Variants in SMARCA2 observed in about 807,000 individuals in gnomAD.
The protein encoded by SMARCA2 is SWI/SNF related BAF chromatin remodeling complex subunit ATPase 2.
A neutral mutation model predicts 199.8 loss-of-function variants in SMARCA2; 61 were observed. That is an observed-to-expected ratio of 0.31 (90% CI 0.25 to 0.38). The LOEUF (loss-of-function observed/expected upper bound fraction) is 0.38. Ranked by LOEUF, SMARCA2 falls within the 10% of genes least tolerant of loss-of-function variation. SMARCA2 has a pLI of 1.00. For synonymous variants in SMARCA2, 935 were observed against 732.0 expected (o/e 1.28, Z -4.48); for missense variants, 1,344 against 2,012.2 (o/e 0.67, Z 6.35).
At chr9:2,075,304 T>C (rs1275237092) in intron 12 of SMARCA2, 1 of 152,320 alleles carries the variant, frequency 6.6e-6, no homozygotes, top group Non-Finnish European at 1.5e-5. Context: ...TACTTTGTCA[T>C]TTAAGAGTTA....
At chr9:2,023,017 C>T (rs1225452240) in intron 1 of SMARCA2, among the ~76,000 whole-genome samples, 8 of 152,166 alleles carry the variant, frequency 5.3e-5, no homozygotes, top group African/African-American at 9.7e-5. Flanking sequence ...TAGGTTTTCT[C>T]GTAAATTCCC....
At chr9:2,051,303 A>G (rs935944541) in intron 5 of SMARCA2, among the ~76,000 whole-genome samples, 6 of 152,060 alleles carry the variant, frequency 3.9e-5, no homozygotes, top group African/African-American at 1.4e-4. Context: ...CCTTCCAGAA[A>G]AGGGATTCTT....
At chr9:2,164,508 C>T (rs1825847311) in intron 28 of SMARCA2, among the ~76,000 whole-genome samples, 1 of 152,142 alleles carries the variant, frequency 6.6e-6, no homozygotes, top group South Asian at 2.1e-4. Context: ...TATGTGTCAT[C>T]AGGGATTTAA....
intron 32 of SMARCA2, among the ~76,000 whole-genome samples, chr9:2,187,241 G>A (rs1827531852): frequency 6.6e-6 from 1 of 152,042 alleles, no homozygotes; most frequent in Non-Finnish European, 1.5e-5. Flanking sequence ...TACCTTTTAG[G>A]ATATTAGTTG....
In SMARCA2 at chr9:2,182,130, A is replaced by C. The variant is rs1827077646; in HGVS notation, c.4360-11A>C. The C allele has an allele frequency of 6.4e-7, 1 of 1,561,976 alleles. No individual in the cohort carries two copies. The highest frequency in any genetic ancestry group is 1.4e-5 in the African/African-American group (1 of 73,778). On this transcript the variant is annotated splice_polypyrimidine_tract_variant and intron_variant, in intron 30 of 33. Coordinates refer to ENST00000349721, the MANE Select transcript of SMARCA2 (RefSeq NM_003070.5). ...TCTTTTTTTCTCCATTTTCTCCAAAATTTCCATCAGGAAAGGATTCGTAAT... is the reference window on the plus strand; with the variant it reads ...TCTTTTTTTCTCCATTTTCTCCAAACTTTCCATCAGGAAAGGATTCGTAAT...
In SMARCA2 at chr9:2,169,601, C is replaced by T. The variant is rs948426526; in HGVS notation, c.4200-818C>T. 6.6e-6 allele frequency among the ~76,000 whole-genome samples: 1 copy of T among 152,156 alleles called. No homozygotes were observed. Among genetic ancestry groups the T allele is most frequent in the East Asian group, 1.9e-4 (1 of 5,192 alleles). On this transcript the variant is annotated intron_variant, in intron 28 of 33. Transcript: ENST00000349721. The surrounding 1 kb of genome is among the most constrained non-coding windows in gnomAD (Gnocchi z 6.5). ...ACTCTAGAGCAGAATGGGGCAGTGA[C>T]TCCGAGAAGGGATTTATACATGGAC...
At chr9:2,037,176 T>C (rs1358855525) in intron 3 of SMARCA2, among the ~76,000 whole-genome samples, 1 of 152,196 alleles carries the variant, frequency 6.6e-6, no homozygotes, top group African/African-American at 2.4e-5. Context: ...GGGGTTAATG[T>C]AAGCCTTCTT....
At chr9:2,069,995 G>A (rs1056149020) in intron 9 of SMARCA2, among the ~76,000 whole-genome samples, 3 of 152,128 alleles carry the variant, frequency 2.0e-5, no homozygotes, top group Non-Finnish European at 2.9e-5. Flanking sequence ...TATTCTTGAT[G>A]GACAGTTTTA....
intron 14 of SMARCA2, among the ~76,000 whole-genome samples, chr9:2,080,495 A>C (rs1821519701): frequency 6.6e-6 from 1 of 152,194 alleles, no homozygotes; most frequent in Non-Finnish European, 1.5e-5. Context: ...TGTTTCTTGT[A>C]TTTAGTTGAC....
rs114299810 is a variant in SMARCA2, at chr9:2,072,810, C to G, written c.1747-402C>G. Among the ~76,000 whole-genome samples the G allele has an allele frequency of 4.0e-3, 612 of 152,332 alleles. 6 individuals carry two copies. Among genetic ancestry groups the G allele is most frequent in the African/African-American group, 0.014 (593 of 41,568 alleles). Reference sequence around the variant, plus strand: ...CTATCCCCAATATTATGCTCTACAACTGGTCTAGTGAGGACAGGCTGTGGC... The same window carrying G: ...CTATCCCCAATATTATGCTCTACAAGTGGTCTAGTGAGGACAGGCTGTGGC... On this transcript the variant is annotated intron_variant, in intron 10 of 33. Coordinates refer to ENST00000349721, the MANE Select transcript of SMARCA2 (RefSeq NM_003070.5).
intron 31 of SMARCA2, among the ~76,000 whole-genome samples, chr9:2,184,771 C>T (rs7871591): frequency 0.31 from 46,527 of 151,872 alleles, 8,967 homozygotes; most frequent in African/African-American, 0.55. Flanking sequence ...CATTTCTCAC[C>T]GCTGAAGGAA....
chr9:2,182,859 C>G (rs564060729), intron 31 of SMARCA2, among the ~76,000 whole-genome samples: 1 of 151,240 alleles, frequency 6.6e-6, no homozygotes, highest in Admixed American at 6.6e-5. Context: ...GGCATGATCT[C>G]GGCTCACTGC....
chr9:2,111,059 T>G (rs1011899895), intron 24 of SMARCA2, among the ~76,000 whole-genome samples: 1 of 151,720 alleles, frequency 6.6e-6, no homozygotes, highest in African/African-American at 2.4e-5. Context: ...TTTTTTTTTT[T>G]AAATTGAGCG....
intron 31 of SMARCA2, 64 bp from the exon 32 acceptor site, chr9:2,186,032 G>C: frequency 6.6e-7 from 1 of 1,509,956 alleles, no homozygotes; most frequent in South Asian, 1.2e-5. Flanking sequence ...TATTGCATAA[G>C]GAAGAGTTCA....
chr9:2,144,424 G>A (rs1824619873), intron 27 of SMARCA2, among the ~76,000 whole-genome samples: 2 of 152,162 alleles, frequency 1.3e-5, no homozygotes, highest in African/African-American at 4.8e-5. Flanking sequence ...CGATTCTGAG[G>A]CAGCTTCTAA....
chr9:2,083,274 T>G lies in SMARCA2; in HGVS notation c.2349-73T>G, dbSNP rs1203918939. 14 of 978,992 alleles carry G rather than the reference T, an allele frequency of 1.4e-5. No individual in the cohort carries two copies. In the Admixed American group the frequency reaches 1.8e-4, roughly 12 times the overall value. The allele number at this position is 978,992 out of a possible 1,614,324, so 60.6% of individuals were successfully genotyped here. A position where few individuals can be genotyped will look rare whatever the true frequency, so the allele number is the denominator to read the frequency against. On this transcript the variant is annotated intron_variant, in intron 15 of 33. Coordinates refer to ENST00000349721, the MANE Select transcript of SMARCA2 (RefSeq NM_003070.5). ...TTTCAAGGTGAGGCCTGAACATGAA[T>G]AAGAACATCTTTTTAACCATTGATT...
At chr9:2,060,740 G>A in intron 8 of SMARCA2, 76 bp from the exon 9 acceptor site, 1 of 1,391,402 alleles carries the variant, frequency 7.2e-7, no homozygotes, top group Non-Finnish European at 1.0e-6. Flanking sequence ...AGACTGTCAA[G>A]GGGAGGACAG....
At chr9:2,089,919 G>A (rs7863631) in intron 19 of SMARCA2, among the ~76,000 whole-genome samples, 1 of 151,916 alleles carries the variant, frequency 6.6e-6, no homozygotes, top group South Asian at 2.1e-4. Context: ...TTTACAAGAG[G>A]TATAAAATAA....
intron 24 of SMARCA2, among the ~76,000 whole-genome samples, chr9:2,111,001 A>T (rs556983327): frequency 6.6e-6 from 1 of 151,048 alleles, no homozygotes; most frequent in Admixed American, 6.6e-5. Context: ...TCTTTTAGCC[A>T]GGTAAGTTCA....
Sources: allele counts gnomAD v4.1 joint callset (sites outside exome capture counted in the v4.1 genomes callset), GRCh38; gene constraint gnomAD v4.1.1; non-coding constraint Gnocchi (gnomAD v3.1); transcripts MANE v1.5; gene names NCBI Gene and HGNC (gene_info 2026-07-23, HGNC 2026-07-21).